COL23A1: variants seen among roughly 807,000 people sequenced by gnomAD.
COL23A1 encodes the protein collagen type XXIII alpha 1 chain.
Under a neutral mutation model 99.3 loss-of-function variants are expected in COL23A1, and 97 were observed. That is an observed-to-expected ratio of 0.98 (90% CI 0.83 to 1.16). The LOEUF (loss-of-function observed/expected upper bound fraction) is 1.16, where lower values mean the gene tolerates loss of function less well. COL23A1 is among the 50% of genes most tolerant of loss of function. The probability of loss-of-function intolerance (pLI) is 0.00; values close to 1 mark genes in which losing one functional copy is unlikely to be tolerated. For missense variants in COL23A1, 762 were observed against 757.4 expected, an observed-to-expected ratio of 1.01 and a Z score of -0.07; for synonymous variants, 320 against 308.2, an observed-to-expected ratio of 1.04 and a Z score of -0.40.
chr5:178,523,197 T>TACAC (rs1416631747), intron 2 of COL23A1, among the ~76,000 whole-genome samples: 12 of 73,752 alleles, frequency 1.6e-4, no homozygotes, highest in African/African-American at 5.4e-4. Context: ...TATATATATA[T>TACAC]ATATAGAGAG....
In COL23A1 at chr5:178,384,545, G is replaced by C. The variant is rs991895864; in HGVS notation, c.362-77626C>G. Among the ~76,000 whole-genome samples, 1 of 152,172 alleles carries C rather than the reference G, an allele frequency of 6.6e-6. No homozygotes were observed. The highest frequency in any genetic ancestry group is 6.5e-5 in the Admixed American group (1 of 15,282). On this transcript the variant is annotated intron_variant, in intron 2 of 28. Transcript: ENST00000390654. This position sits in a 1 kb window ranked among gnomAD's most constrained non-coding sequence, Gnocchi z 5.5. ...AGCGGCCCACCGGGCACTGTGCAGGGGCCGGCGTGCCTTACTTCCCTCCCT... is the reference window on the plus strand; with the variant it reads ...AGCGGCCCACCGGGCACTGTGCAGGCGCCGGCGTGCCTTACTTCCCTCCCT...
chr5:178,276,490 A>G (rs1756590906), intron 5 of COL23A1, among the ~76,000 whole-genome samples: 1 of 152,202 alleles, frequency 6.6e-6, no homozygotes, highest in Non-Finnish European at 1.5e-5. Flanking sequence ...CAATTCATCA[A>G]ATTACAAGGC....
intron 2 of COL23A1, among the ~76,000 whole-genome samples, chr5:178,492,858 G>T (rs552641143): frequency 6.6e-6 from 1 of 152,032 alleles, no homozygotes; most frequent in Admixed American, 6.6e-5. Context: ...ATCCCAGGAC[G>T]CTGGTTAAGT....
At chr5:178,583,977 C>A (rs1405447117) in intron 1 of COL23A1, among the ~76,000 whole-genome samples, 1 of 152,228 alleles carries the variant, frequency 6.6e-6, no homozygotes, top group African/African-American at 2.4e-5. Context: ...AATCCTCACA[C>A]CTCAGTGTCT....
rs184416015 is a variant in COL23A1, at chr5:178,450,335, C to T, written c.361+110347G>A. On this transcript the variant is annotated intron_variant, in intron 2 of 28. Coordinates refer to ENST00000390654, the MANE Select transcript of COL23A1 (RefSeq NM_173465.4). Reference sequence around the variant, plus strand: ...TGGTCCCACATTCCCTTGCAGTTGGCGGAACAGATGGGAGCAGCTTCCTTC... The same window carrying T: ...TGGTCCCACATTCCCTTGCAGTTGGTGGAACAGATGGGAGCAGCTTCCTTC... 2.6e-5 allele frequency among the ~76,000 whole-genome samples: 4 copies of T among 152,258 alleles called. No individual in the cohort carries two copies. The South Asian group carries it at 8.3e-4, about 32-fold the overall frequency.
At chr5:178,382,769 A>G (rs1287662577) in intron 2 of COL23A1, among the ~76,000 whole-genome samples, 1 of 152,246 alleles carries the variant, frequency 6.6e-6, no homozygotes, top group African/African-American at 2.4e-5. Context: ...AGCACAGCTC[A>G]GGGAGACGGT....
Position 178,434,433 on chromosome 5 carries a change from T to C in COL23A1, c.361+126249A>G, listed in dbSNP as rs757262207. 8.5e-5 allele frequency among the ~76,000 whole-genome samples: 13 copies of C among 152,194 alleles called. No homozygotes were observed. Among genetic ancestry groups the C allele is most frequent in the Admixed American group, 2.0e-4 (3 of 15,286 alleles). The stretch of plus-strand genomic sequence containing the variant: ...AAATGCCTGGACCAGGACTTGGACA[T>C]TGGGCGGCTGTGTGACAGGCATGGA... On this transcript the variant is annotated intron_variant, in intron 2 of 28. Coordinates refer to ENST00000390654, the MANE Select transcript of COL23A1 (RefSeq NM_173465.4). This position sits in a 1 kb window ranked among gnomAD's most constrained non-coding sequence, Gnocchi z 4.3.
At position 178,589,706 on chromosome 5, in the gene COL23A1, C is replaced by T. The variant is rs1764168460; in HGVS notation, c.294+198G>A. Reference sequence around the variant, plus strand: ...CGGGACCCTGAGGCCGGAGCGGAGACCGCAAAACCCCTTGGGGCCGGCACC... The same window carrying T: ...CGGGACCCTGAGGCCGGAGCGGAGATCGCAAAACCCCTTGGGGCCGGCACC... On this transcript the variant is annotated intron_variant, in intron 1 of 28. Coordinates refer to ENST00000390654, the MANE Select transcript of COL23A1 (RefSeq NM_173465.4). The surrounding 1 kb of genome is among the most constrained non-coding windows in gnomAD (Gnocchi z 5.4). 6.6e-6 allele frequency among the ~76,000 whole-genome samples: 1 copy of T among 152,162 alleles called. No individual in the cohort carries two copies. The highest frequency in any genetic ancestry group is 6.5e-5 in the Admixed American group (1 of 15,286).
At chr5:178,427,735 A>AGAT (rs1766022014) in intron 2 of COL23A1, among the ~76,000 whole-genome samples, 1 of 152,234 alleles carries the variant, frequency 6.6e-6, no homozygotes, top group East Asian at 1.9e-4. Context: ...GATTCCAGCT[A>AGAT]GATGACATTC....
intron 2 of COL23A1, among the ~76,000 whole-genome samples, chr5:178,401,441 A>G (rs949375424): frequency 6.6e-6 from 1 of 152,196 alleles, no homozygotes; most frequent in Non-Finnish European, 1.5e-5. Flanking sequence ...TGGCTTCCTT[A>G]TCTTGGCATA....
intron 2 of COL23A1, among the ~76,000 whole-genome samples, chr5:178,489,417 G>A (rs913179115): frequency 2.0e-5 from 3 of 152,232 alleles, no homozygotes; most frequent in Admixed American, 6.5e-5. Flanking sequence ...ACTGAGCCAC[G>A]TTACCGGCTC....
intron 11 of COL23A1, among the ~76,000 whole-genome samples, chr5:178,260,376 A>G (rs56856784): frequency 0.12 from 18,903 of 152,288 alleles, 1,361 homozygotes; most frequent in African/African-American, 0.21. Flanking sequence ...CAAGCCATGA[A>G]AAGACATGGA....
intron 2 of COL23A1, among the ~76,000 whole-genome samples, chr5:178,521,845 G>GTT (rs1211781667): frequency 1.3e-5 from 2 of 152,160 alleles, no homozygotes; most frequent in Non-Finnish European, 2.9e-5. Flanking sequence ...CAGTGGCTGG[G>GTT]GTCAGGGGTA....
intron 12 of COL23A1, 27 bp downstream of exon 12, chr5:178,259,694 G>C (rs200509783): frequency 6.9e-7 from 1 of 1,449,556 alleles, no homozygotes; most frequent in Non-Finnish European, 9.3e-7. Flanking sequence ...ACACTGACCC[G>C]GAAGCTCCTC....
chr5:178,273,232 A>G lies in COL23A1; in HGVS notation c.442-2869T>C, dbSNP rs1475949796. Among the ~76,000 whole-genome samples, 3 of 152,148 alleles carry G rather than the reference A, an allele frequency of 2.0e-5. No homozygotes were observed. The East Asian group carries it at 5.8e-4, about 29-fold the overall frequency. Reference sequence around the variant, plus strand: ...AGGCTGTCCCCTTGGCCTCAACCCCAGAGGGAGCATCTCAGTGCTGCCGGC... The same window carrying G: ...AGGCTGTCCCCTTGGCCTCAACCCCGGAGGGAGCATCTCAGTGCTGCCGGC... On this transcript the variant is annotated intron_variant, in intron 5 of 28. Transcript: ENST00000390654.
intron 7 of COL23A1, 23 bp from the exon 8 acceptor site, chr5:178,267,356 G>A: frequency 1.2e-6 from 2 of 1,613,174 alleles, no homozygotes; most frequent in Admixed American, 1.7e-5. Flanking sequence ...GACAGGGAGA[G>A]GCATCACCAC....
chr5:178,260,421 C>A (rs1765565127), intron 11 of COL23A1, among the ~76,000 whole-genome samples: 2 of 152,164 alleles, frequency 1.3e-5, no homozygotes, highest in South Asian at 4.1e-4. Context: ...GTGAAAGGAG[C>A]CAATCTGAAA....
intron 2 of COL23A1, among the ~76,000 whole-genome samples, chr5:178,320,692 C>A (rs1377268572): frequency 6.6e-6 from 1 of 152,226 alleles, no homozygotes. Flanking sequence ...TGGGGTGATT[C>A]ATGACTTCTT....
intron 2 of COL23A1, among the ~76,000 whole-genome samples, chr5:178,467,511 T>G (rs1340561362): frequency 6.6e-6 from 1 of 152,096 alleles, no homozygotes; most frequent in African/African-American, 2.4e-5. Flanking sequence ...CTCTAATAGC[T>G]ATGTGTGTTG....
Sources: gnomAD v4.1 joint callset for allele counts (sites outside exome capture counted in the v4.1 genomes callset) on GRCh38, gnomAD v4.1.1 for gene constraint, Gnocchi (gnomAD v3.1) non-coding constraint, MANE v1.5 for transcripts, NCBI Gene and HGNC (gene_info 2026-07-23, HGNC 2026-07-21) for gene names.